Variants in ADCY8 observed in about 807,000 individuals in gnomAD.
ADCY8 encodes the protein adenylate cyclase 8, also known as adenylate cyclase type 8.
In ADCY8, 51 loss-of-function variants were observed where a neutral mutation model predicts 119.7. The ratio of observed to expected loss-of-function variants is 0.43; its 90% CI spans 0.34 to 0.54. The LOEUF (loss-of-function observed/expected upper bound fraction) is 0.54, where lower values mean the gene tolerates loss of function less well. Ranked by LOEUF, ADCY8 falls within the 20% of genes least tolerant of loss-of-function variation. The pLI, the probability that ADCY8 is intolerant of heterozygous loss-of-function variation, is 0.03. For missense variants in ADCY8, 1,383 were observed against 1,598.8 expected (o/e 0.87, Z 2.30); for synonymous variants, 665 against 651.0 (o/e 1.02, Z -0.33).
intron 1 of ADCY8, among the ~76,000 whole-genome samples, chr8:131,007,561 C>G (rs1322082674): frequency 6.6e-6 from 1 of 152,154 alleles, no homozygotes; most frequent in Non-Finnish European, 1.5e-5. Context: ...ACTGAGAAAC[C>G]TCCTAGAGCT....
At chr8:130,956,139 T>C (rs1306005422) in intron 2 of ADCY8, among the ~76,000 whole-genome samples, 3 of 152,032 alleles carry the variant, frequency 2.0e-5, no homozygotes, top group Non-Finnish European at 2.9e-5. Context: ...AGAAAGACCC[T>C]GCCTCAAAAA....
intron 7 of ADCY8, among the ~76,000 whole-genome samples, chr8:130,898,978 A>G (rs1302524074): frequency 6.6e-6 from 1 of 152,160 alleles, no homozygotes; most frequent in East Asian, 1.9e-4. Context: ...AAATACATCA[A>G]CAAAGCTTGC....
chr8:130,904,391 T>C (rs981627550), intron 6 of ADCY8, among the ~76,000 whole-genome samples: 2 of 152,034 alleles, frequency 1.3e-5, no homozygotes, highest in African/African-American at 4.8e-5. Context: ...GTGTTGATTA[T>C]ATTGGAAAAA....
At chr8:130,788,008 C>T (rs1815311892) in intron 15 of ADCY8, among the ~76,000 whole-genome samples, 1 of 152,208 alleles carries the variant, frequency 6.6e-6, no homozygotes, top group Non-Finnish European at 1.5e-5. Context: ...TTGTCTATCA[C>T]ATGCATTTAT....
intron 1 of ADCY8, among the ~76,000 whole-genome samples, chr8:131,036,814 G>A (rs1476898717): frequency 6.6e-6 from 1 of 152,088 alleles, no homozygotes; most frequent in Non-Finnish European, 1.5e-5. Context: ...CATATTTGGA[G>A]CCTAATGAAG....
intron 8 of ADCY8, among the ~76,000 whole-genome samples, chr8:130,880,612 C>CCTTCTG (rs1818733009): frequency 1.3e-5 from 2 of 152,136 alleles, no homozygotes; most frequent in South Asian, 4.1e-4. Context: ...TTGGCAACTG[C>CCTTCTG]AATAGGTCTC....
chr8:130,838,543 AGAGG>A (rs2130268887), intron 11 of ADCY8, among the ~76,000 whole-genome samples: 7 of 96,272 alleles, frequency 7.3e-5, no homozygotes, highest in Admixed American at 2.2e-4. Context: ...GGCCAAAGAA[AGAGG>A]ACTAGATCTG....
chr8:130,795,039 C>T (rs992362701), intron 15 of ADCY8, among the ~76,000 whole-genome samples: 4 of 152,242 alleles, frequency 2.6e-5, no homozygotes, highest in Middle Eastern at 3.4e-3. Flanking sequence ...GCCTGGCCAA[C>T]GTGGTGAAAA....
intron 5 of ADCY8, among the ~76,000 whole-genome samples, chr8:130,911,508 TA>T (rs986825323): frequency 2.3e-5 from 3 of 132,654 alleles, no homozygotes; most frequent in East Asian, 2.9e-4. Flanking sequence ...CACAAACTAT[TA>T]AAAATTTTTT....
intron 2 of ADCY8, among the ~76,000 whole-genome samples, chr8:130,981,381 G>A (rs111597421): frequency 0.012 from 1,829 of 152,206 alleles, 44 homozygotes; most frequent in African/African-American, 0.042. Flanking sequence ...TTTTTCTCCT[G>A]CTCTATTTTA....
intron 1 of ADCY8, among the ~76,000 whole-genome samples, chr8:131,003,208 A>T (rs7842608): frequency 1.6e-3 from 56 of 33,982 alleles, no homozygotes; most frequent in African/African-American, 7.7e-3. Context: ...AAACACCATC[A>T]CACACACACA....
intron 3 of ADCY8, among the ~76,000 whole-genome samples, chr8:130,947,496 G>A (rs138277311): frequency 7.0e-4 from 106 of 152,270 alleles, no homozygotes; most frequent in African/African-American, 2.4e-3. Flanking sequence ...ACTGCCATGC[G>A]GATGGATCTA....
chr8:130,923,531 A>C (rs1820377465), intron 5 of ADCY8, among the ~76,000 whole-genome samples: 1 of 152,304 alleles, frequency 6.6e-6, no homozygotes, highest in Non-Finnish European at 1.5e-5. Context: ...ATTGCACTGA[A>C]AAGACCAAGC....
rs375329106 is a variant in ADCY8, at chr8:130,849,806, G to A, written c.2211-3C>T. ...ACTGGATGGTCATTGGCATCACTCT[G>A]CAGGGAAACACAGAATGTTGGGTCA... is the stretch of plus-strand genomic sequence containing the variant. On this transcript the variant is annotated splice_polypyrimidine_tract_variant and splice_region_variant and intron_variant, in intron 9 of 17. Coordinates refer to ENST00000286355, the MANE Select transcript of ADCY8 (RefSeq NM_001115.3). 2 of 1,610,434 alleles carry A rather than the reference G, an allele frequency of 1.2e-6. No homozygotes were observed. The highest frequency in any genetic ancestry group is 1.3e-5 in the African/African-American group (1 of 74,784).
At chr8:130,967,026 A>T (rs1315943818) in intron 2 of ADCY8, among the ~76,000 whole-genome samples, 1 of 152,196 alleles carries the variant, frequency 6.6e-6, no homozygotes, top group Non-Finnish European at 1.5e-5. Context: ...ATGTGAAAAG[A>T]CAATTGTGCT....
intron 5 of ADCY8, among the ~76,000 whole-genome samples, chr8:130,921,919 A>C (rs1820321045): frequency 6.6e-6 from 1 of 152,126 alleles, no homozygotes; most frequent in Non-Finnish European, 1.5e-5. Flanking sequence ...TTAAGAGGTG[A>C]TTGGATCATA....
chr8:130,970,127 C>T (rs1821878569), intron 2 of ADCY8, among the ~76,000 whole-genome samples: 2 of 152,146 alleles, frequency 1.3e-5, no homozygotes, highest in African/African-American at 2.4e-5. Context: ...AACTCAGTTG[C>T]CTGCTCCCTA....
In ADCY8 at chr8:130,867,831, TTC is replaced by T; in HGVS notation, c.2210+13_2210+14del. ...AAAGATATTTCACCAGATCAATTAG[TTC>T]TTTTACATTTACCTTGAAGAAGGAA... is the stretch of plus-strand genomic sequence containing the variant. On this transcript the variant is annotated intron_variant, in intron 9 of 17. Transcript: ENST00000286355. 11 of 1,565,916 alleles carry T rather than the reference TTC, an allele frequency of 7.0e-6. No homozygotes were observed. Among genetic ancestry groups the T allele is most frequent in the Non-Finnish European group, 9.6e-6 (11 of 1,140,398 alleles).
At chr8:130,933,567 T>C (rs1312550803) in intron 5 of ADCY8, among the ~76,000 whole-genome samples, 1 of 152,222 alleles carries the variant, frequency 6.6e-6, no homozygotes, top group Non-Finnish European at 1.5e-5. Flanking sequence ...GAATAATTAA[T>C]ACTGGACCTC....
Sources: gnomAD v4.1 joint callset for allele counts (sites outside exome capture counted in the v4.1 genomes callset) on GRCh38, gnomAD v4.1.1 for gene constraint, MANE v1.5 for transcripts, NCBI Gene and HGNC (gene_info 2026-07-23, HGNC 2026-07-21) for gene names.